Variants in KRT79 observed in about 807,000 individuals in gnomAD.
KRT79 encodes keratin 79.
In KRT79, 51 loss-of-function variants were observed where a neutral mutation model predicts 49.0. The observed-to-expected ratio is 1.04, with a 90% CI of 0.83 to 1.31. KRT79 has a LOEUF of 1.31. Ranked by LOEUF, KRT79 falls within the 40% of genes most tolerant of loss-of-function variation. KRT79 has a pLI of 0.00. For synonymous variants in KRT79, 312 were observed against 286.6 expected (o/e 1.09, Z -0.90); for missense variants, 728 against 688.0 (o/e 1.06, Z -0.65).
chr12:52,831,955 T>C (rs1229631627), intron 1 of KRT79, among the ~76,000 whole-genome samples: 6 of 152,244 alleles, frequency 3.9e-5, no homozygotes, highest in African/African-American at 1.4e-4. Context: ...TAGATCTATG[T>C]TTCTGACCCC....
chr12:52,831,408 G>T lies in KRT79; in HGVS notation c.696C>A (p.Asn232Lys). 6.2e-7 allele frequency: 1 copy of T among 1,614,026 alleles called. No individual in the cohort carries two copies. The highest frequency in any genetic ancestry group is 1.1e-5 in the South Asian group (1 of 91,084). The change falls in exon 2 of 9, where the codon AAC (asparagine) becomes AAA (lysine). Residue 232 changes from asparagine to lysine, a missense_variant and splice_region_variant. Coordinates refer to ENST00000330553, the MANE Select transcript of KRT79 (RefSeq NM_175834.3). ...CCCGCCTGGCCTGCTCTCCTCACTT[G>T]TTCTTGAAGTCCTCCACAAGGTCCT... ...NVQDLVEDFK[N>K]KYEDEINKHT...
At chr12:52,825,993 C>T (rs939076940) in intron 4 of KRT79, among the ~76,000 whole-genome samples, 11 of 152,202 alleles carry the variant, frequency 7.2e-5, no homozygotes, top group African/African-American at 2.4e-4. Flanking sequence ...TGGAGGTGCC[C>T]ATAAGGTCTA....
At chr12:52,828,229 C>G (rs1236437208) in intron 4 of KRT79, among the ~76,000 whole-genome samples, 2 of 152,174 alleles carry the variant, frequency 1.3e-5, no homozygotes, top group Non-Finnish European at 2.9e-5. Flanking sequence ...TCTGACCAAG[C>G]CTTCCATAGC....
At chr12:52,823,756 G>A in intron 6 of KRT79, 131 bp downstream of exon 6, 1 of 1,069,930 alleles carries the variant, frequency 9.3e-7, no homozygotes, top group Non-Finnish European at 1.3e-6. Flanking sequence ...CATGTAAAAG[G>A]AGCCTGTGAT....
intron 4 of KRT79, 50 bp downstream of exon 4, chr12:52,829,973 A>G: frequency 6.7e-7 from 1 of 1,482,422 alleles, no homozygotes; most frequent in South Asian, 1.1e-5. Context: ...GAAAACGCCC[A>G]GTGCTGTTTA....
At chr12:52,822,462 A>G in intron 7 of KRT79, 83 bp from the exon 8 acceptor site, 1 of 910,334 alleles carries the variant, frequency 1.1e-6, no homozygotes, top group South Asian at 1.7e-5. Flanking sequence ...CTGCCTTTAC[A>G]TTGGATCCAC....
In KRT79 at chr12:52,830,014, C is replaced by T; in HGVS notation, c.855+9G>A. On this transcript the variant is annotated intron_variant, in intron 4 of 8. Coordinates refer to ENST00000330553, the MANE Select transcript of KRT79 (RefSeq NM_175834.3). ...TATGCAAACTCTCCCTGCCCATTGGCCACCTCACCATTTCATAGAGTTGCT... is the reference window on the plus strand; with the variant it reads ...TATGCAAACTCTCCCTGCCCATTGGTCACCTCACCATTTCATAGAGTTGCT... 6.2e-7 allele frequency: 1 copy of T among 1,613,426 alleles called. No individual in the cohort carries two copies. Among genetic ancestry groups the T allele is most frequent in the South Asian group, 1.1e-5 (1 of 91,076 alleles).
At chr12:52,832,329 T>C (rs543046274) in intron 1 of KRT79, among the ~76,000 whole-genome samples, 150 of 152,254 alleles carry the variant, frequency 9.9e-4, no homozygotes, top group Non-Finnish European at 1.8e-3. Context: ...TACAGGAGTA[T>C]GTTGTACTAT....
In KRT79 at chr12:52,830,053, C is replaced by T. The variant is rs1280463143; in HGVS notation, c.825G>A (p.Glu275=). The T allele has an allele frequency of 3.7e-6, 6 of 1,614,098 alleles. No individual in the cohort carries two copies. In the African/African-American group the frequency reaches 5.3e-5, roughly 14 times the overall value. The change falls in exon 4 of 9, where the codon GAG becomes GAA. Residue 275 remains glutamate, a synonymous_variant. Transcript: ENST00000330553. ...CATAGAGTTGCTGCAGGAAGTCAAT[C>T]TCCTGGGTCAAGGTGCCCACTTTGC... is the stretch of plus-strand genomic sequence containing the variant. The part of the protein sequence containing the change: ...LHGKVGTLTQ[E]IDFLQQLYEM...
chr12:52,822,744 T>C (rs1295086435), intron 7 of KRT79, among the ~76,000 whole-genome samples: 2 of 152,202 alleles, frequency 1.3e-5, no homozygotes, highest in South Asian at 4.1e-4. Flanking sequence ...GATTTTTTTT[T>C]CCAAAGCTTC....
rs895297411 is a variant in KRT79 at position 52,831,332 on chromosome 12, G to C, written c.698+74C>G. On this transcript the variant is annotated intron_variant, in intron 2 of 8. Coordinates refer to ENST00000330553, the MANE Select transcript of KRT79 (RefSeq NM_175834.3). ...AGGTGGGCCTGGGACCCTGGGAATG[G>C]GGTGGCCCTCTTGGCAGGTTTCCCA... 14 of 1,419,526 alleles carry C rather than the reference G, an allele frequency of 9.9e-6. No individual in the cohort carries two copies. The African/African-American group carries it at 2.0e-4, about 20-fold the overall frequency. The allele number at this position is 1,419,526 out of a possible 1,614,324, so 87.9% of individuals were successfully genotyped here. A position where few individuals can be genotyped will look rare whatever the true frequency, so the allele number is the denominator to read the frequency against.
Position 52,821,765 on chromosome 12 carries a change from G to A in KRT79, c.*107C>T. On this transcript the variant is annotated 3_prime_UTR_variant, in exon 9 of 9. Coordinates refer to ENST00000330553, the MANE Select transcript of KRT79 (RefSeq NM_175834.3). ...TCTGGTATGAAAATACCCTGGGTCTGAGGTCCCCTGGCTGTTCCTGCTCCT... is the reference window on the plus strand; with the variant it reads ...TCTGGTATGAAAATACCCTGGGTCTAAGGTCCCCTGGCTGTTCCTGCTCCT... 1.0e-6 allele frequency: 1 copy of A among 968,790 alleles called. No individual in the cohort carries two copies. Among genetic ancestry groups the A allele is most frequent in the Non-Finnish European group, 1.6e-6 (1 of 634,054 alleles). The allele number at this position is 968,790 out of a possible 1,614,324, so 60.0% of individuals were successfully genotyped here.
intron 4 of KRT79, among the ~76,000 whole-genome samples, chr12:52,827,045 C>T (rs1484592432): frequency 6.6e-6 from 1 of 152,194 alleles, no homozygotes; most frequent in Non-Finnish European, 1.5e-5. Context: ...TCGATGTGGG[C>T]ACTCACCACC....
rs1304442758 is a variant in KRT79, at chr12:52,831,705, C to T, written c.478-79G>A. The stretch of plus-strand genomic sequence containing the variant: ...CCAAGGATGGGGTCCATTGCCACCT[C>T]CCCTCCAAGGCCAGGGCAACATAGG... On this transcript the variant is annotated intron_variant, in intron 1 of 8. Coordinates refer to ENST00000330553, the MANE Select transcript of KRT79 (RefSeq NM_175834.3). The T allele has an allele frequency of 5.1e-6, 6 of 1,186,524 alleles. No homozygotes were observed. In the African/African-American group the frequency reaches 9.0e-5, roughly 18 times the overall value. The allele number at this position is 1,186,524 out of a possible 1,614,324, so 73.5% of individuals were successfully genotyped here.
intron 2 of KRT79, 99 bp from the exon 3 acceptor site, chr12:52,830,391 G>GA: frequency 1.1e-6 from 1 of 917,114 alleles, no homozygotes; most frequent in East Asian, 2.4e-5. Context: ...GTCCCTCACT[G>GA]ATCAAGAACA....
rs766944084 is a variant in KRT79 at position 52,821,912 on chromosome 12, C to T, written c.1568G>A (p.Arg523Gln). 117 of 1,613,974 alleles carry T rather than the reference C, an allele frequency of 7.2e-5. No homozygotes were observed. Among genetic ancestry groups the T allele is most frequent in the Middle Eastern group, 3.3e-4 (2 of 6,084 alleles). Residue 523 changes from arginine to glutamine, a missense_variant, in exon 9 of 9, where the codon CGG (arginine) becomes CAG (glutamine). Transcript: ENST00000330553. The stretch of plus-strand genomic sequence containing the variant: ...GGACGTCTTGACCGTAGTGGTCTTC[C>T]GCAGGATGGAGGTGCCCGCAGAGAC... ...GPVSAGTSIL[R>Q]KTTTVKTSSQ...
Position 52,834,269 on chromosome 12 carries a change from A to C in KRT79, c.-9T>G, listed in dbSNP as rs2120361473. 5 of 1,604,324 alleles carry C rather than the reference A, an allele frequency of 3.1e-6. No individual in the cohort carries two copies. The highest frequency in any genetic ancestry group is 4.3e-6 in the Non-Finnish European group (5 of 1,172,808). ...GAGACGGAGGACCTCATAGCTGCAGAGGGGCCGGAGGGCAGGATGAGAGGG... is the reference window on the plus strand; with the variant it reads ...GAGACGGAGGACCTCATAGCTGCAGCGGGGCCGGAGGGCAGGATGAGAGGG... On this transcript the variant is annotated 5_prime_UTR_variant, in exon 1 of 9. Coordinates refer to ENST00000330553, the MANE Select transcript of KRT79 (RefSeq NM_175834.3).
In KRT79 at chr12:52,822,997, G is replaced by T. The variant is rs199860232; in HGVS notation, c.1367+19C>A. On this transcript the variant is annotated intron_variant, in intron 7 of 8. Coordinates refer to ENST00000330553, the MANE Select transcript of KRT79 (RefSeq NM_175834.3). The stretch of plus-strand genomic sequence containing the variant: ...CAGGCCCGACCCAGCTTTCTGGGTC[G>T]GGCAGGAGGGGCCACCACCTGCTCT... 1.4e-5 allele frequency: 22 copies of T among 1,612,114 alleles called. No homozygotes were observed. The highest frequency in any genetic ancestry group is 1.8e-5 in the Non-Finnish European group (21 of 1,179,458).
At chr12:52,825,728 C>T (rs1236203510) in intron 4 of KRT79, among the ~76,000 whole-genome samples, 1 of 152,176 alleles carries the variant, frequency 6.6e-6, no homozygotes, top group East Asian at 1.9e-4. Flanking sequence ...CTAGTCACTA[C>T]AAAAACTTGT....
Sources: allele counts gnomAD v4.1 joint callset (sites outside exome capture counted in the v4.1 genomes callset), GRCh38; gene constraint gnomAD v4.1.1; transcripts MANE v1.5; gene names NCBI Gene and HGNC (gene_info 2026-07-23, HGNC 2026-07-21).